The following PGM5 variants were observed in gnomAD, a reference collection of about 807,000 sequenced individuals.
PGM5 encodes phosphoglucomutase 5.
In PGM5, 23 loss-of-function variants were observed where a neutral mutation model predicts 59.2. The observed-to-expected ratio is 0.39, with a 90% CI of 0.28 to 0.55. The LOEUF (loss-of-function observed/expected upper bound fraction) is 0.55, where lower values mean the gene tolerates loss of function less well. Ranked by LOEUF, PGM5 falls within the 20% of genes least tolerant of loss-of-function variation. The pLI is 0.66. For missense variants in PGM5, 574 were observed against 748.3 expected, an observed-to-expected ratio of 0.77 and a Z score of 2.72; for synonymous variants, 214 against 286.0, an observed-to-expected ratio of 0.75 and a Z score of 2.54.
intron 8 of PGM5, among the ~76,000 whole-genome samples, chr9:68,481,338 C>T (rs1057253063): frequency 2.6e-5 from 4 of 152,126 alleles, no homozygotes; most frequent in Non-Finnish European, 4.4e-5. Context: ...CAAAACAACT[C>T]GAATTATTCA....
intron 6 of PGM5, among the ~76,000 whole-genome samples, chr9:68,420,424 C>G (rs1389973059): frequency 6.6e-6 from 1 of 152,120 alleles, no homozygotes; most frequent in Non-Finnish European, 1.5e-5. Context: ...CTCCACTGAC[C>G]TTGAGCTTAT....
chr9:68,378,221 A>G lies in PGM5; in HGVS notation c.284A>G (p.Gln95Arg). The G allele has an allele frequency of 1.3e-6, 2 of 1,572,940 alleles. No individual in the cohort carries two copies. Among genetic ancestry groups the G allele is most frequent in the Admixed American group, 1.9e-5 (1 of 52,156 alleles). ...ANGIGRLIIG[Q>R]NGILSTPAVS... ...TAGATTGGACGACTGATTATTGGACAGAATGGCATCTTGTCGACACCTGCG... is the reference window on the plus strand; with the variant it reads ...TAGATTGGACGACTGATTATTGGACGGAATGGCATCTTGTCGACACCTGCG... The change falls in exon 2 of 11, where the codon CAG becomes CGG. Residue 95 changes from glutamine (Q) to arginine (R), a missense_variant. Around this residue, in one of 7 missense-constraint regions of PGM5, gnomAD observed 61 missense variants for 133.3 expected, o/e 0.46. Coordinates refer to ENST00000396396, the MANE Select transcript of PGM5 (RefSeq NM_021965.4).
At position 68,503,435 on chromosome 9, in the gene PGM5, G is replaced by A. The variant is rs541602967; in HGVS notation, c.1614+4074G>A. ...ATACTGTACTGAAAGTGAAAAAATC[G>A]GTGTATGGGGACTCACAGTATGGTT... On this transcript the variant is annotated intron_variant, in intron 10 of 10. Coordinates refer to ENST00000396396, the MANE Select transcript of PGM5 (RefSeq NM_021965.4). 1.1e-4 allele frequency among the ~76,000 whole-genome samples: 16 copies of A among 152,248 alleles called. No homozygotes were observed. The South Asian group carries it at 1.5e-3, about 14-fold the overall frequency.
intron 6 of PGM5, among the ~76,000 whole-genome samples, chr9:68,429,749 T>C (rs1206578567): frequency 6.6e-6 from 1 of 152,240 alleles, no homozygotes; most frequent in African/African-American, 2.4e-5. Flanking sequence ...GCCACAGATT[T>C]TCTCAGGCCT....
At chr9:68,397,745 A>C (rs1822548309) in intron 6 of PGM5, 1 of 152,208 alleles carries the variant, frequency 6.6e-6, no homozygotes, top group African/African-American at 2.4e-5. Flanking sequence ...ATTGGTGGGC[A>C]TCGAGCATCT....
chr9:68,474,162 C>A (rs1824066176), intron 7 of PGM5, among the ~76,000 whole-genome samples: 1 of 152,132 alleles, frequency 6.6e-6, no homozygotes, highest in South Asian at 2.1e-4. Flanking sequence ...CAGGGTGAGA[C>A]CTGAGCATTT....
At chr9:68,526,526 T>C (rs1401435414) in intron 10 of PGM5, among the ~76,000 whole-genome samples, 1 of 152,216 alleles carries the variant, frequency 6.6e-6, no homozygotes, top group Non-Finnish European at 1.5e-5. Context: ...AACATATAAA[T>C]GTACATGCAT....
At chr9:68,412,595 C>A (rs1160205441) in intron 6 of PGM5, among the ~76,000 whole-genome samples, 1 of 152,194 alleles carries the variant, frequency 6.6e-6, no homozygotes, top group African/African-American at 2.4e-5. Flanking sequence ...ATTTCTAGAT[C>A]ATCTCAGGGC....
At chr9:68,394,466 A>C (rs1464911285) in intron 6 of PGM5, 2 of 151,934 alleles carry the variant, frequency 1.3e-5, no homozygotes, top group Non-Finnish European at 2.9e-5. Flanking sequence ...CAAGAGTGAA[A>C]CTCTGTCTCA....
intron 6 of PGM5, among the ~76,000 whole-genome samples, chr9:68,393,300 T>C (rs190545756): frequency 3.6e-3 from 540 of 151,068 alleles, no homozygotes; most frequent in Middle Eastern, 0.025. Flanking sequence ...TCTATACATA[T>C]ACATTATATG....
intron 6 of PGM5, chr9:68,428,649 A>C (rs1391717247): frequency 6.6e-6 from 1 of 152,212 alleles, no homozygotes; most frequent in African/African-American, 2.4e-5. Context: ...GCATGGGATC[A>C]GGATTTCCAG....
intron 6 of PGM5, among the ~76,000 whole-genome samples, chr9:68,430,249 GTAGAGTGATTGTTTCTGTTTT>G: frequency 6.6e-6 from 1 of 152,294 alleles, no homozygotes; most frequent in African/African-American, 2.4e-5. Context: ...TCAGTCCAGC[GTAGAGTGATTGTTTCTGTTTT>G]TATTTTATTT....
chr9:68,447,244 G>A (rs1401435946), intron 6 of PGM5, among the ~76,000 whole-genome samples: 1 of 152,132 alleles, frequency 6.6e-6, no homozygotes, highest in Admixed American at 6.5e-5. Context: ...CTCACCACTG[G>A]CCTTCTGACT....
chr9:68,393,803 C>G (rs1208120346), intron 6 of PGM5: 32 of 152,006 alleles, frequency 2.1e-4, no homozygotes, highest in Non-Finnish European at 4.6e-4. Flanking sequence ...CACAAAAGAC[C>G]TGTATAATAA....
At chr9:68,510,719 G>T (rs60728993) in intron 10 of PGM5, among the ~76,000 whole-genome samples, 1 of 152,164 alleles carries the variant, frequency 6.6e-6, no homozygotes, top group African/African-American at 2.4e-5. Context: ...GAGGTCCTGA[G>T]AACATGTGCC....
intron 1 of PGM5, among the ~76,000 whole-genome samples, chr9:68,366,259 T>G (rs2131977340): frequency 6.6e-6 from 1 of 152,120 alleles, no homozygotes; most frequent in African/African-American, 2.4e-5. Context: ...GGGTACTCAC[T>G]GCAGCATTTT....
intron 9 of PGM5, 65 bp downstream of exon 9, chr9:68,484,113 C>A: frequency 7.2e-7 from 1 of 1,382,282 alleles, no homozygotes; most frequent in South Asian, 1.2e-5. Context: ...TGTCCTAGAA[C>A]TGGAGAGGTC....
intron 6 of PGM5, among the ~76,000 whole-genome samples, chr9:68,423,154 T>A (rs1823170617): frequency 6.6e-6 from 1 of 152,000 alleles, no homozygotes; most frequent in Admixed American, 6.5e-5. Context: ...TTCCATGTTT[T>A]TCCTATTGTG....
intron 1 of PGM5, among the ~76,000 whole-genome samples, chr9:68,377,920 T>G (rs797030883): frequency 6.6e-6 from 1 of 152,166 alleles, no homozygotes; most frequent in South Asian, 2.1e-4. Context: ...CCCTCGATTA[T>G]CAGAAGCAGA....
Sources: gnomAD v4.1 joint callset for allele counts (sites outside exome capture counted in the v4.1 genomes callset) on GRCh38, gnomAD v4.1.1 for gene constraint, gnomAD v4.1.1 regional missense constraint, MANE v1.5 for transcripts, NCBI Gene and HGNC (gene_info 2026-07-23, HGNC 2026-07-21) for gene names.